Variants in LIX1 observed in about 807,000 individuals in gnomAD.
LIX1 encodes protein limb expression 1 homolog.
A neutral mutation model predicts 33.4 loss-of-function variants in LIX1; 24 were observed. That is an observed-to-expected ratio of 0.72 (90% CI 0.52 to 1.01). The LOEUF (loss-of-function observed/expected upper bound fraction) is 1.01. Ranked by LOEUF, LIX1 falls within the 50% of genes least tolerant of loss-of-function variation. LIX1 has a pLI of 0.00. For missense variants in LIX1, 311 were observed against 339.2 expected, an observed-to-expected ratio of 0.92 and a Z score of 0.65; for synonymous variants, 124 against 124.0, an observed-to-expected ratio of 1.00 and a Z score of 0.00.
chr5:97,128,668 A>G (rs372576161), intron 1 of LIX1, among the ~76,000 whole-genome samples: 2 of 152,168 alleles, frequency 1.3e-5, no homozygotes, highest in East Asian at 3.9e-4. Context: ...TGGGTTACAA[A>G]AAAAAAGTGA....
chr5:97,132,991 G>T (rs1748090283), intron 1 of LIX1, among the ~76,000 whole-genome samples: 1 of 152,208 alleles, frequency 6.6e-6, no homozygotes, highest in Admixed American at 6.5e-5. Flanking sequence ...CTTATCATTT[G>T]TGTATATATA....
At chr5:97,110,053 A>C (rs151216781) in intron 2 of LIX1, among the ~76,000 whole-genome samples, 178 of 152,346 alleles carry the variant, frequency 1.2e-3, no homozygotes, top group African/African-American at 4.2e-3. Context: ...ATGAGTGTGC[A>C]CGTGTCTTTT....
chr5:97,115,671 G>C (rs1424419831), intron 2 of LIX1, among the ~76,000 whole-genome samples: 3 of 151,584 alleles, frequency 2.0e-5, no homozygotes, highest in African/African-American at 7.3e-5. Flanking sequence ...GATCTAAAAT[G>C]TATAAAACAC....
intron 1 of LIX1, among the ~76,000 whole-genome samples, chr5:97,138,179 T>C (rs985861579): frequency 6.6e-6 from 1 of 152,248 alleles, no homozygotes; most frequent in African/African-American, 2.4e-5. Context: ...ACTTTTTCAT[T>C]ATAAAATTTG....
chr5:97,122,356 C>T (rs1164782434), intron 2 of LIX1, among the ~76,000 whole-genome samples: 1 of 151,992 alleles, frequency 6.6e-6, no homozygotes, highest in Non-Finnish European at 1.5e-5. Context: ...GCATCTTTGC[C>T]CCTAATAATT....
chr5:97,108,019 C>T (rs910253562), intron 2 of LIX1, among the ~76,000 whole-genome samples: 1 of 152,184 alleles, frequency 6.6e-6, no homozygotes, highest in Non-Finnish European at 1.5e-5. Context: ...TCAATTTCCT[C>T]CTCTATAAAA....
Position 97,096,866 on chromosome 5 carries a change from G to C in LIX1, c.505C>G (p.Leu169Val). The C allele has an allele frequency of 1.9e-6, 3 of 1,613,954 alleles. No homozygotes were observed. Among genetic ancestry groups the C allele is most frequent in the Non-Finnish European group, 2.5e-6 (3 of 1,179,810 alleles). The stretch of plus-strand genomic sequence containing the variant: ...TTTAGGCTTCCATTCCAGTGCAATA[G>C]TTGGAAAATGGTCATCAGCTCCTAC... ...EFQELMTIFQ[L>V]LHWNGSLKAL... Residue 169 changes from leucine to valine, a missense_variant, in exon 5 of 6, where the codon CTA becomes GTA. Transcript: ENST00000274382.
At chr5:97,137,353 A>G (rs1748193711) in intron 1 of LIX1, among the ~76,000 whole-genome samples, 1 of 152,206 alleles carries the variant, frequency 6.6e-6, no homozygotes, top group African/African-American at 2.4e-5. Context: ...ACTAGGACAG[A>G]TAAAGCCATA....
chr5:97,116,491 T>G (rs1265011995), intron 2 of LIX1, among the ~76,000 whole-genome samples: 2 of 152,110 alleles, frequency 1.3e-5, no homozygotes, highest in Non-Finnish European at 2.9e-5. Flanking sequence ...CACCAGTTCC[T>G]GTCAACTGAA....
chr5:97,130,811 G>A (rs576470996), intron 1 of LIX1, among the ~76,000 whole-genome samples: 43 of 152,182 alleles, frequency 2.8e-4, no homozygotes, highest in Non-Finnish European at 5.7e-4. Context: ...GCGTACCTCT[G>A]AAATGACTTT....
At chr5:97,121,710 G>C (rs1364134605) in intron 2 of LIX1, among the ~76,000 whole-genome samples, 1 of 152,056 alleles carries the variant, frequency 6.6e-6, no homozygotes, top group African/African-American at 2.4e-5. Context: ...TGCTTGAATT[G>C]TTTTGTTCTT....
At chr5:97,113,875 T>C (rs1747544012) in intron 2 of LIX1, among the ~76,000 whole-genome samples, 1 of 152,224 alleles carries the variant, frequency 6.6e-6, no homozygotes, top group Non-Finnish European at 1.5e-5. Flanking sequence ...TGACTTCATT[T>C]ACAACAAAAG....
rs1746240341 is a variant in LIX1, at chr5:97,094,514, C to G, written c.*234G>C. On this transcript the variant is annotated 3_prime_UTR_variant, in exon 6 of 6. Coordinates refer to ENST00000274382, the MANE Select transcript of LIX1 (RefSeq NM_153234.5). ...TTTTTCAAACAATTTTGTGTCTATCCTTTCATCCTGAGCTGGAACTATTGA... is the reference window on the plus strand; with the variant it reads ...TTTTTCAAACAATTTTGTGTCTATCGTTTCATCCTGAGCTGGAACTATTGA... The G allele has an allele frequency of 7.9e-6, 4 of 506,402 alleles. No homozygotes were observed. The East Asian group carries it at 9.2e-5, about 12-fold the overall frequency. 31.4% of individuals were successfully genotyped at this position (506,402 alleles called of 1,614,324 possible).
intron 1 of LIX1, among the ~76,000 whole-genome samples, chr5:97,139,830 A>ATC (rs1748247063): frequency 3.3e-5 from 5 of 152,248 alleles, no homozygotes; most frequent in African/African-American, 1.2e-4. Flanking sequence ...CTTCTAGAAG[A>ATC]GAAAATAAAA....
At chr5:97,116,196 A>G (rs1334252088) in intron 2 of LIX1, among the ~76,000 whole-genome samples, 1 of 152,182 alleles carries the variant, frequency 6.6e-6, no homozygotes, top group Non-Finnish European at 1.5e-5. Flanking sequence ...AACCCCTTTC[A>G]GTGCTTTAAA....
At chr5:97,127,884 A>G (rs948656050) in intron 1 of LIX1, among the ~76,000 whole-genome samples, 2 of 152,194 alleles carry the variant, frequency 1.3e-5, no homozygotes, top group East Asian at 3.9e-4. Context: ...GCTCAGCTCC[A>G]CCTTATTTCC....
intron 2 of LIX1, among the ~76,000 whole-genome samples, chr5:97,109,186 G>A (rs777280393): frequency 6.6e-6 from 1 of 152,240 alleles, no homozygotes; most frequent in Middle Eastern, 3.4e-3. Flanking sequence ...ATATTGTAAA[G>A]ACCGTGTCCT....
intron 2 of LIX1, among the ~76,000 whole-genome samples, chr5:97,121,369 TC>T (rs1324491706): frequency 3.9e-5 from 6 of 152,134 alleles, no homozygotes; most frequent in Admixed American, 2.0e-4. Context: ...ATTTATTTCC[TC>T]CCCTCTATTT....
intron 1 of LIX1, among the ~76,000 whole-genome samples, chr5:97,140,421 G>A (rs1382384724): frequency 6.6e-6 from 1 of 152,196 alleles, no homozygotes; most frequent in Non-Finnish European, 1.5e-5. Flanking sequence ...TAGAGTGGAG[G>A]AGGAGCCAGC....
Sources: allele counts gnomAD v4.1 joint callset (sites outside exome capture counted in the v4.1 genomes callset), GRCh38; gene constraint gnomAD v4.1.1; transcripts MANE v1.5; gene names NCBI Gene and HGNC (gene_info 2026-07-23, HGNC 2026-07-21).